The following CLASP2 variants were observed in gnomAD, a reference collection of about 807,000 sequenced individuals.
CLASP2 encodes cytoplasmic linker associated protein 2, also known as CLIP-associating protein 2.
In CLASP2, 47 loss-of-function variants were observed where a neutral mutation model predicts 194.4. The ratio of observed to expected loss-of-function variants is 0.24; its 90% CI spans 0.19 to 0.31. The LOEUF is 0.31. Ranked by LOEUF, CLASP2 falls within the 10% of genes least tolerant of loss-of-function variation. The pLI is 1.00. For missense variants in CLASP2, 1,445 were observed against 1,823.6 expected (o/e 0.79, Z 3.78); for synonymous variants, 619 against 633.5 (o/e 0.98, Z 0.34).
chr3:33,516,759 TA>T (rs1347358189), intron 35 of CLASP2, among the ~76,000 whole-genome samples: 1 of 152,212 alleles, frequency 6.6e-6, no homozygotes, highest in African/African-American at 2.4e-5. Flanking sequence ...TACTTTTCTA[TA>T]AGAATTCAGC....
chr3:33,683,009 T>C (rs137920177), intron 6 of CLASP2: 1 of 152,320 alleles, frequency 6.6e-6, no homozygotes, highest in Admixed American at 6.5e-5. Flanking sequence ...TGGTTACTTA[T>C]TAAGCTTTTA....
chr3:33,623,704 C>T (rs2077497414), intron 10 of CLASP2, among the ~76,000 whole-genome samples: 1 of 152,076 alleles, frequency 6.6e-6, no homozygotes, highest in Non-Finnish European at 1.5e-5. Context: ...ATTCCATCTC[C>T]TGGATTTTTG....
chr3:33,640,938 T>C (rs954334338), intron 8 of CLASP2, among the ~76,000 whole-genome samples: 1 of 152,092 alleles, frequency 6.6e-6, no homozygotes. Context: ...ATCATTTCTG[T>C]AGATTACAAT....
At chr3:33,645,635 A>C (rs1384558288) in intron 7 of CLASP2, 2 of 281,454 alleles carry the variant, frequency 7.1e-6, no homozygotes, top group East Asian at 1.3e-4. Flanking sequence ...TCAAAACTAA[A>C]GGCTTAGAAA....
At chr3:33,657,400 TTG>T (rs2084450899) in intron 7 of CLASP2, among the ~76,000 whole-genome samples, 1 of 152,076 alleles carries the variant, frequency 6.6e-6, no homozygotes. Flanking sequence ...TTGTCAGAGG[TTG>T]TTACTTTTTT....
At chr3:33,600,079 A>C (rs1287673309) in intron 18 of CLASP2, among the ~76,000 whole-genome samples, 1 of 151,798 alleles carries the variant, frequency 6.6e-6, no homozygotes, top group Non-Finnish European at 1.5e-5. Context: ...GCTCATATAT[A>C]TATTTTTTTT....
intron 12 of CLASP2, among the ~76,000 whole-genome samples, chr3:33,614,740 T>C (rs988334593): frequency 1.3e-5 from 2 of 152,088 alleles, no homozygotes; most frequent in African/African-American, 2.4e-5. Context: ...ATCGCCTCAC[T>C]TTCCCAAAGT....
intron 2 of CLASP2, among the ~76,000 whole-genome samples, chr3:33,695,220 A>ATT (rs762657276): frequency 9.6e-6 from 1 of 103,834 alleles, no homozygotes; most frequent in Admixed American, 1.2e-4. Flanking sequence ...AAGCCTGCTA[A>ATT]TTTTTTTTTT....
At chr3:33,562,796 G>T (rs192940665) in intron 27 of CLASP2, among the ~76,000 whole-genome samples, 1 of 152,272 alleles carries the variant, frequency 6.6e-6, no homozygotes, top group East Asian at 1.9e-4. Flanking sequence ...TATGGATGAG[G>T]AAACAGGGAA....
intron 7 of CLASP2, among the ~76,000 whole-genome samples, chr3:33,660,676 G>A (rs922998043): frequency 2.4e-4 from 36 of 152,126 alleles, no homozygotes; most frequent in African/African-American, 1.4e-4. Flanking sequence ...TTTGAATTGC[G>A]TGCCATTTTT....
At position 33,498,731 on chromosome 3, in the gene CLASP2, C is replaced by T. The variant is rs190926197; in HGVS notation, c.4435-14G>A. On this transcript the variant is annotated splice_polypyrimidine_tract_variant and intron_variant, in intron 38 of 38. Transcript: ENST00000682230. Reference sequence around the variant, plus strand: ...CAGTAGCTTCATCTGCAGATTCAAGCCAAATAAATGTCATTTGAGCAAGCT... The same window carrying T: ...CAGTAGCTTCATCTGCAGATTCAAGTCAAATAAATGTCATTTGAGCAAGCT... 310 of 1,589,170 alleles carry T rather than the reference C, an allele frequency of 2.0e-4. 2 individuals are homozygous for T. The East Asian group carries it at 5.6e-3, about 29-fold the overall frequency.
At chr3:33,710,975 G>T (rs763068397) in intron 1 of CLASP2, among the ~76,000 whole-genome samples, 4 of 152,120 alleles carry the variant, frequency 2.6e-5, no homozygotes, top group Admixed American at 2.6e-4. Context: ...CAGTGAAGTC[G>T]GAAGCAATAC....
intron 4 of CLASP2, 73 bp downstream of exon 4, chr3:33,688,204 G>T: frequency 8.8e-7 from 1 of 1,131,732 alleles, no homozygotes; most frequent in Non-Finnish European, 1.2e-6. Context: ...AGCTTTCCTT[G>T]ACTTTGTGAA....
intron 21 of CLASP2, among the ~76,000 whole-genome samples, chr3:33,587,776 C>A (rs1302377687): frequency 1.3e-5 from 2 of 152,172 alleles, no homozygotes; most frequent in Non-Finnish European, 2.9e-5. Context: ...ACTGAACATA[C>A]ACACCAAAAA....
chr3:33,672,960 G>A (rs1315812373), intron 6 of CLASP2, among the ~76,000 whole-genome samples: 3 of 152,126 alleles, frequency 2.0e-5, no homozygotes, highest in African/African-American at 7.2e-5. Context: ...CCAAATCTAC[G>A]TCTGACTGGT....
intron 30 of CLASP2, among the ~76,000 whole-genome samples, chr3:33,545,775 T>C (rs781392043): frequency 2.0e-5 from 3 of 152,032 alleles, no homozygotes; most frequent in Non-Finnish European, 4.4e-5. Context: ...CCGGGTGTGG[T>C]GGTGTGTGCT....
intron 7 of CLASP2, among the ~76,000 whole-genome samples, chr3:33,662,528 T>C (rs955810898): frequency 6.6e-6 from 1 of 152,180 alleles, no homozygotes; most frequent in African/African-American, 2.4e-5. Context: ...TAGATGTGGG[T>C]AAACACAATC....
In CLASP2 at chr3:33,496,395, T is replaced by C. The variant is rs778810985; in HGVS notation, c.*2236A>G. 4 of 152,196 alleles carry C rather than the reference T, an allele frequency of 2.6e-5. No individual in the cohort carries two copies. The highest frequency in any genetic ancestry group is 5.9e-5 in the Non-Finnish European group (4 of 68,026). The allele number at this position is 152,196 out of a possible 1,614,324, so 9.4% of individuals were successfully genotyped here. A position where few individuals can be genotyped will look rare whatever the true frequency, so the allele number is the denominator to read the frequency against. ...CATTTTTAAGTAGCTGACATCTCAGTATGTTTCTGGAATGAACAAATTAAG... is the reference window on the plus strand; with the variant it reads ...CATTTTTAAGTAGCTGACATCTCAGCATGTTTCTGGAATGAACAAATTAAG... On this transcript the variant is annotated 3_prime_UTR_variant, in exon 39 of 39. Transcript: ENST00000682230.
chr3:33,647,000 G>A (rs1559518680), intron 7 of CLASP2, among the ~76,000 whole-genome samples: 1 of 152,072 alleles, frequency 6.6e-6, no homozygotes, highest in Non-Finnish European at 1.5e-5. Context: ...GATAATGTTT[G>A]GAAGATTCAT....
Sources: gnomAD v4.1 joint callset for allele counts (sites outside exome capture counted in the v4.1 genomes callset) on GRCh38, gnomAD v4.1.1 for gene constraint, MANE v1.5 for transcripts, NCBI Gene and HGNC (gene_info 2026-07-23, HGNC 2026-07-21) for gene names.